CNTNAP2: variants seen among roughly 807,000 people sequenced by gnomAD.
CNTNAP2 encodes contactin associated protein 2.
CNTNAP2 carries 98 observed loss-of-function variants against 155.2 expected under a neutral mutation model. The observed-to-expected ratio is 0.63, with a 90% CI of 0.54 to 0.75. The LOEUF (loss-of-function observed/expected upper bound fraction) is 0.75. CNTNAP2 is among the 30% of genes least tolerant of loss of function. The pLI is 0.00. For missense variants in CNTNAP2, 1,727 were observed against 1,688.1 expected, an observed-to-expected ratio of 1.02 and a Z score of -0.40; for synonymous variants, 651 against 631.2, an observed-to-expected ratio of 1.03 and a Z score of -0.47.
At chr7:148,375,307 CTATAAATATAAAA>C (rs1798962776) in intron 21 of CNTNAP2, among the ~76,000 whole-genome samples, 3 of 147,312 alleles carry the variant, frequency 2.0e-5, no homozygotes, top group Middle Eastern at 3.6e-3. Context: ...AATATATAAA[CTATAAATATAAAA>C]TATAAATATA....
intron 5 of CNTNAP2, 111 bp from the exon 6 acceptor site, chr7:147,120,868 A>T: frequency 1.0e-6 from 1 of 976,352 alleles, no homozygotes; most frequent in Non-Finnish European, 1.6e-6. Context: ...TCGAATGGAT[A>T]GAGCTTTGAT....
At chr7:146,879,401 A>G (rs1012886314) in intron 3 of CNTNAP2, among the ~76,000 whole-genome samples, 11 of 152,124 alleles carry the variant, frequency 7.2e-5, no homozygotes, top group African/African-American at 2.7e-4. Context: ...GTTACATTTG[A>G]TAAGCTGTCA....
intron 8 of CNTNAP2, among the ~76,000 whole-genome samples, chr7:147,149,437 C>A (rs1040234392): frequency 6.6e-6 from 1 of 152,162 alleles, no homozygotes. Context: ...CTGGCTTCAC[C>A]TCTCATAAAC....
chr7:148,229,790 A>G lies in CNTNAP2; in HGVS notation c.3381+11A>G. ...ACCATCTTTCTCAAGGTATACATAC[A>G]TGTACATATAAATTACATATAATAT... On this transcript the variant is annotated intron_variant, in intron 20 of 23. Transcript: ENST00000361727. The G allele has an allele frequency of 1.2e-6, 2 of 1,614,052 alleles. No homozygotes were observed. Among genetic ancestry groups the G allele is most frequent in the Non-Finnish European group, 1.7e-6 (2 of 1,179,966 alleles).
At chr7:146,471,106 G>A (rs549918067) in intron 1 of CNTNAP2, among the ~76,000 whole-genome samples, 5 of 152,240 alleles carry the variant, frequency 3.3e-5, no homozygotes, top group Admixed American at 2.0e-4. Flanking sequence ...TCCCCAAAAA[G>A]AGTTAGACAA....
chr7:148,068,954 C>T, intron 15 of CNTNAP2, among the ~76,000 whole-genome samples: 1 of 152,114 alleles, frequency 6.6e-6, no homozygotes, highest in Non-Finnish European at 1.5e-5. Flanking sequence ...TTCTGAAGAC[C>T]CTAGACTACC....
intron 1 of CNTNAP2, among the ~76,000 whole-genome samples, chr7:146,351,927 A>G (rs754338058): frequency 6.6e-6 from 1 of 152,206 alleles, no homozygotes; most frequent in Non-Finnish European, 1.5e-5. Context: ...TTAAAACAAC[A>G]TAACGTATTT....
At chr7:147,413,918 T>G (rs1227713515) in intron 10 of CNTNAP2, among the ~76,000 whole-genome samples, 1 of 152,220 alleles carries the variant, frequency 6.6e-6, no homozygotes, top group East Asian at 1.9e-4. Context: ...CCTTACCATT[T>G]CCAGGGAAAA....
chr7:148,230,225 TG>T (rs1333507847), intron 20 of CNTNAP2, among the ~76,000 whole-genome samples: 1 of 152,236 alleles, frequency 6.6e-6, no homozygotes, highest in Non-Finnish European at 1.5e-5. Context: ...GCAGAGCCTT[TG>T]TCTTAAAAAT....
At chr7:147,285,203 T>C (rs1326892343) in intron 8 of CNTNAP2, among the ~76,000 whole-genome samples, 1 of 151,972 alleles carries the variant, frequency 6.6e-6, no homozygotes, top group East Asian at 1.9e-4. Context: ...TATTTTAAGA[T>C]GTCTTTTCCT....
chr7:146,772,127 T>C (rs1051081850), intron 1 of CNTNAP2, among the ~76,000 whole-genome samples: 2 of 152,094 alleles, frequency 1.3e-5, no homozygotes, highest in African/African-American at 4.8e-5. Flanking sequence ...TAGAGCTTTC[T>C]ATCTAGTGGG....
chr7:147,960,413 G>T (rs1801095860), intron 14 of CNTNAP2, among the ~76,000 whole-genome samples: 1 of 152,100 alleles, frequency 6.6e-6, no homozygotes, highest in Non-Finnish European at 1.5e-5. Flanking sequence ...CAATGAGGTG[G>T]TACTGACTCC....
chr7:147,195,480 TGG>T (rs1264700010), intron 8 of CNTNAP2, among the ~76,000 whole-genome samples: 2 of 152,168 alleles, frequency 1.3e-5, no homozygotes, highest in African/African-American at 4.8e-5. Flanking sequence ...AGTAGTTTCA[TGG>T]GAGTATCATT....
chr7:147,752,721 C>T (rs907106397), intron 13 of CNTNAP2, among the ~76,000 whole-genome samples: 7 of 152,108 alleles, frequency 4.6e-5, no homozygotes, highest in African/African-American at 7.2e-5. Context: ...GTGATCATAG[C>T]GTCATGAGCC....
At chr7:146,357,232 C>CAAAAA (rs71525940) in intron 1 of CNTNAP2, among the ~76,000 whole-genome samples, 3 of 98,502 alleles carry the variant, frequency 3.0e-5, no homozygotes, top group African/African-American at 1.1e-4. Context: ...TACAGTGCTC[C>CAAAAA]AAAAAAAAAA....
At chr7:146,660,933 G>A (rs1398773637) in intron 1 of CNTNAP2, among the ~76,000 whole-genome samples, 2 of 152,210 alleles carry the variant, frequency 1.3e-5, no homozygotes, top group Non-Finnish European at 2.9e-5. Context: ...GGGGAATGTG[G>A]AAGGATTGTG....
At chr7:148,091,655 CT>C in intron 15 of CNTNAP2, among the ~76,000 whole-genome samples, 1 of 152,290 alleles carries the variant, frequency 6.6e-6, no homozygotes, top group East Asian at 1.9e-4. Context: ...GAGAAGTATT[CT>C]TTCTTCATTC....
chr7:147,898,902 A>C (rs1298267000), intron 13 of CNTNAP2, among the ~76,000 whole-genome samples: 1 of 152,204 alleles, frequency 6.6e-6, no homozygotes, highest in Non-Finnish European at 1.5e-5. Context: ...GCTTCTGGCA[A>C]GGAACCTCTG....
At chr7:147,752,295 G>T (rs1368757197) in intron 13 of CNTNAP2, among the ~76,000 whole-genome samples, 2 of 144,736 alleles carry the variant, frequency 1.4e-5, no homozygotes. Context: ...CTTTTTTTCT[G>T]AAGGGTAACC....
Sources: allele counts gnomAD v4.1 joint callset (sites outside exome capture counted in the v4.1 genomes callset), GRCh38; gene constraint gnomAD v4.1.1; transcripts MANE v1.5; gene names NCBI Gene and HGNC (gene_info 2026-07-23, HGNC 2026-07-21).